The following SV2C variants were observed in gnomAD, a reference collection of about 807,000 sequenced individuals.
SV2C encodes the protein solute carrier family 22 member B3.
A neutral mutation model predicts 79.7 loss-of-function variants in SV2C; 49 were observed. That is an observed-to-expected ratio of 0.61 (90% CI 0.49 to 0.78). The LOEUF (loss-of-function observed/expected upper bound fraction) is 0.78, where lower values mean the gene tolerates loss of function less well. Ranked by LOEUF, SV2C falls within the 30% of genes least tolerant of loss-of-function variation. The pLI is 0.00. For synonymous variants in SV2C, 334 were observed against 333.2 expected, an observed-to-expected ratio of 1.00 and a Z score of -0.03; for missense variants, 833 against 912.9, an observed-to-expected ratio of 0.91 and a Z score of 1.13.
the SV2C span, among the ~76,000 whole-genome samples, chr5:75,908,325 A>G: frequency 3.9e-5 from 6 of 152,322 alleles, no homozygotes; most frequent in South Asian, 6.2e-4. Context: ...TACCAGTCAC[A>G]TAGTATCTGA....
At chr5:76,152,046 T>G (rs1006601798) in intron 2 of SV2C, among the ~76,000 whole-genome samples, 29 of 152,174 alleles carry the variant, frequency 1.9e-4, no homozygotes, top group African/African-American at 7.0e-4. Context: ...ATGGTTTGAA[T>G]GTAGGGAAAG....
At chr5:75,925,931 G>A in the SV2C span, among the ~76,000 whole-genome samples, 3 of 151,974 alleles carry the variant, frequency 2.0e-5, no homozygotes, top group African/African-American at 4.8e-5. Flanking sequence ...CTTGGGTTTC[G>A]TTGGACTTTC....
At chr5:76,228,708 G>C (rs1043814896) in intron 4 of SV2C, among the ~76,000 whole-genome samples, 1 of 152,156 alleles carries the variant, frequency 6.6e-6, no homozygotes, top group African/African-American at 2.4e-5. Flanking sequence ...AATGTTTATT[G>C]AGCATTTATT....
chr5:76,166,999 T>C (rs1399358393), intron 2 of SV2C, among the ~76,000 whole-genome samples: 1 of 152,154 alleles, frequency 6.6e-6, no homozygotes, highest in African/African-American at 2.4e-5. Context: ...GCCATTCCAA[T>C]TTTACTATAT....
downstream of SV2C, chr5:76,334,088 T>C (rs929747742): frequency 6.6e-6 from 1 of 152,208 alleles, no homozygotes; most frequent in African/African-American, 2.4e-5. Context: ...TTCTGTGGGC[T>C]GGTGTCATGG....
intron 4 of SV2C, among the ~76,000 whole-genome samples, chr5:76,269,903 G>A (rs1251709802): frequency 2.6e-5 from 4 of 152,126 alleles, no homozygotes; most frequent in East Asian, 1.9e-4. Context: ...CTAGAAAACC[G>A]TTCACTGGGA....
At chr5:76,189,792 C>T (rs534192922) in intron 2 of SV2C, among the ~76,000 whole-genome samples, 2 of 152,140 alleles carry the variant, frequency 1.3e-5, no homozygotes, top group Non-Finnish European at 2.9e-5. Context: ...AGCACAGGAT[C>T]CTTCATCTTA....
At chr5:76,113,584 T>C (rs866001696) in intron 1 of SV2C, among the ~76,000 whole-genome samples, 8 of 152,188 alleles carry the variant, frequency 5.3e-5, no homozygotes, top group African/African-American at 1.7e-4. Context: ...TTCTCAAACA[T>C]TGGTGGAATA....
intron 2 of SV2C, chr5:76,173,744 G>T (rs1743410134): frequency 1.2e-6 from 2 of 1,612,466 alleles, no homozygotes; most frequent in Non-Finnish European, 1.7e-6. Flanking sequence ...TGATTTTGCA[G>T]AAGATTCTAA....
downstream of SV2C, among the ~76,000 whole-genome samples, chr5:76,338,858 T>C (rs1272933339): frequency 1.3e-5 from 2 of 152,068 alleles, no homozygotes; most frequent in East Asian, 1.9e-4. Context: ...GGTTTCACCA[T>C]GTTGGTCAGG....
chr5:76,351,222 A>T (rs1185762062), intron 12 of SV2C, among the ~76,000 whole-genome samples: 1 of 152,098 alleles, frequency 6.6e-6, no homozygotes. Flanking sequence ...GAGGTAGAAG[A>T]GTCACTTGAG....
chr5:76,015,595 T>A, the SV2C span, among the ~76,000 whole-genome samples: 1 of 152,116 alleles, frequency 6.6e-6, no homozygotes, highest in Non-Finnish European at 1.5e-5. Flanking sequence ...ATGAACTAAT[T>A]GTTTTCTCTG....
chr5:76,230,143 A>G (rs984763755), intron 4 of SV2C, among the ~76,000 whole-genome samples: 17 of 152,342 alleles, frequency 1.1e-4, no homozygotes, highest in African/African-American at 4.1e-4. Flanking sequence ...GCTGAGTGTA[A>G]AGGAAGACAA....
chr5:76,282,033 CTT>C (rs1394882923), intron 4 of SV2C, among the ~76,000 whole-genome samples: 3 of 152,154 alleles, frequency 2.0e-5, no homozygotes, highest in African/African-American at 7.2e-5. Context: ...GTGACTTTCT[CTT>C]TGGTTAAATC....
chr5:75,863,795 A>G, the SV2C span, among the ~76,000 whole-genome samples: 21 of 152,320 alleles, frequency 1.4e-4, no homozygotes, highest in African/African-American at 5.1e-4. Flanking sequence ...TTTTGAGAAG[A>G]TTAAATGTCA....
the SV2C span, among the ~76,000 whole-genome samples, chr5:76,031,673 A>C: frequency 6.6e-6 from 1 of 152,184 alleles, no homozygotes; most frequent in Non-Finnish European, 1.5e-5. Flanking sequence ...TATATTCAAT[A>C]TCTTTATTAT....
the SV2C span, among the ~76,000 whole-genome samples, chr5:75,875,353 G>A: frequency 6.6e-6 from 1 of 152,132 alleles, no homozygotes; most frequent in Non-Finnish European, 1.5e-5. Flanking sequence ...CTCAATAAAT[G>A]GTGCTGGGAT....
chr5:75,960,731 C>T, the SV2C span, among the ~76,000 whole-genome samples: 2 of 151,904 alleles, frequency 1.3e-5, no homozygotes, highest in East Asian at 3.9e-4. Flanking sequence ...AGAAAGTGTC[C>T]CTGTCATTAA....
chr5:75,888,989 TTCTC>T, the SV2C span, among the ~76,000 whole-genome samples: 5 of 152,234 alleles, frequency 3.3e-5, no homozygotes, highest in Non-Finnish European at 7.4e-5. Flanking sequence ...CTTGGCTGTC[TTCTC>T]TCTATGTCTT....
Sources: gnomAD v4.1 joint callset for allele counts (sites outside exome capture counted in the v4.1 genomes callset) on GRCh38, gnomAD v4.1.1 for gene constraint, MANE v1.5 for transcripts, NCBI Gene and HGNC (gene_info 2026-07-23, HGNC 2026-07-21) for gene names.